CNTNAP4: variants seen among roughly 807,000 people sequenced by gnomAD.
CNTNAP4 encodes the protein contactin associated protein family member 4, also known as contactin-associated protein-like 4.
CNTNAP4 carries 98 observed loss-of-function variants against 148.4 expected under a neutral mutation model. That is an observed-to-expected ratio of 0.66 (90% confidence interval 0.56 to 0.78). The LOEUF is 0.78. CNTNAP4 is among the 30% of genes least tolerant of loss of function. The pLI is 0.00. For missense variants in CNTNAP4, 1,935 were observed against 1,565.6 expected (o/e 1.24, Z -3.98); for synonymous variants, 730 against 565.1 (o/e 1.29, Z -4.14).
rs765615228 is a variant in CNTNAP4, at chr16:76,522,163, G to C, written c.2661G>C (p.Glu887Asp). ...HHVRVERNMK[E>D]ASLQVDQLTP... Reference sequence around the variant, plus strand: ...TGAGGGTTGAAAGGAACATGAAGGAGGCCTCCCTTCAAGTGGATCAGCTGA... The same window carrying C: ...TGAGGGTTGAAAGGAACATGAAGGACGCCTCCCTTCAAGTGGATCAGCTGA... The change falls in exon 17 of 24, where the codon GAG becomes GAC. Residue 887 changes from glutamate to aspartate, a missense_variant. Coordinates refer to ENST00000611870, the MANE Select transcript of CNTNAP4 (RefSeq NM_033401.5). 1 of 1,613,922 alleles carries C rather than the reference G, an allele frequency of 6.2e-7. No homozygotes were observed. The highest frequency in any genetic ancestry group is 8.5e-7 in the Non-Finnish European group (1 of 1,179,882).
At chr16:76,498,495 C>T (rs12932943) in intron 14 of CNTNAP4, 72 bp from the exon 15 acceptor site, 922,669 of 1,353,322 alleles carry the variant, frequency 0.68, 317,067 homozygotes, top group Middle Eastern at 0.78. Context: ...TAGTTCAGAA[C>T]ATCTTGGTTT....
chr16:76,308,279 C>A (rs1960711553), intron 1 of CNTNAP4, among the ~76,000 whole-genome samples: 1 of 152,200 alleles, frequency 6.6e-6, no homozygotes, highest in Non-Finnish European at 1.5e-5. Flanking sequence ...TAGTAGTCTA[C>A]ACTCGTGGCA....
At chr16:76,480,942 C>G (rs375595793) in intron 12 of CNTNAP4, among the ~76,000 whole-genome samples, 1 of 152,128 alleles carries the variant, frequency 6.6e-6, no homozygotes. Context: ...AGAACCAAGT[C>G]AGTGAGTCTT....
chr16:76,366,598 C>T (rs1333558490), intron 3 of CNTNAP4, among the ~76,000 whole-genome samples: 5 of 151,968 alleles, frequency 3.3e-5, no homozygotes, highest in Admixed American at 1.3e-4. Flanking sequence ...TAAACATTTG[C>T]GTGCATGTGT....
At chr16:76,385,769 C>G (rs1359280442) in intron 3 of CNTNAP4, among the ~76,000 whole-genome samples, 1 of 152,124 alleles carries the variant, frequency 6.6e-6, no homozygotes, top group Non-Finnish European at 1.5e-5. Context: ...CTTATATAGT[C>G]TGTAGTGCTG....
At chr16:76,524,203 C>A (rs1021708467) in intron 17 of CNTNAP4, among the ~76,000 whole-genome samples, 1 of 152,056 alleles carries the variant, frequency 6.6e-6, no homozygotes, top group African/African-American at 2.4e-5. Context: ...CTATAATAGA[C>A]AATCTAATCA....
intron 2 of CNTNAP4, among the ~76,000 whole-genome samples, chr16:76,336,526 G>A (rs533371445): frequency 6.6e-6 from 1 of 152,208 alleles, no homozygotes; most frequent in South Asian, 2.1e-4. Context: ...TAATGATGTT[G>A]GATAAAAGAT....
chr16:76,284,670 A>G (rs1393836719), intron 1 of CNTNAP4, among the ~76,000 whole-genome samples: 2 of 152,006 alleles, frequency 1.3e-5, no homozygotes, highest in Non-Finnish European at 2.9e-5. Flanking sequence ...ATTTTTGGGG[A>G]AAATTTTGAT....
In CNTNAP4 at chr16:76,441,811, C is replaced by A. The variant is rs191589262; in HGVS notation, c.539-6201C>A. Among the ~76,000 whole-genome samples, 7 of 152,256 alleles carry A rather than the reference C, an allele frequency of 4.6e-5. No homozygotes were observed. The East Asian group carries it at 1.4e-3, about 29-fold the overall frequency. On this transcript the variant is annotated intron_variant, in intron 4 of 23. Transcript: ENST00000611870. ...AATATTCTAACAATAAATCCTAGTG[C>A]TAGCATTAGTAGTTAATATTCATTT...
intron 4 of CNTNAP4, among the ~76,000 whole-genome samples, chr16:76,440,661 T>C (rs1246296188): frequency 2.6e-5 from 4 of 152,162 alleles, no homozygotes; most frequent in African/African-American, 9.6e-5. Context: ...TAGGGACCTG[T>C]ATTCCTGTTC....
At chr16:76,439,300 A>G (rs1002680569) in intron 4 of CNTNAP4, among the ~76,000 whole-genome samples, 3 of 152,084 alleles carry the variant, frequency 2.0e-5, no homozygotes, top group African/African-American at 7.2e-5. Context: ...TGATCAAAAG[A>G]GAGATAACTT....
chr16:76,336,065 T>C (rs9929036), intron 2 of CNTNAP4, among the ~76,000 whole-genome samples: 2,122 of 152,242 alleles, frequency 0.014, 43 homozygotes, highest in African/African-American at 0.048. Context: ...GCATGTTAAA[T>C]TTGAAGGTGG....
At chr16:76,384,135 C>A (rs1415008580) in intron 3 of CNTNAP4, among the ~76,000 whole-genome samples, 3 of 152,004 alleles carry the variant, frequency 2.0e-5, no homozygotes, top group African/African-American at 7.3e-5. Flanking sequence ...CCTCCGCCTC[C>A]CAGGTTCAAG....
At chr16:76,335,230 A>T (rs1188617624) in intron 2 of CNTNAP4, among the ~76,000 whole-genome samples, 2 of 152,148 alleles carry the variant, frequency 1.3e-5, no homozygotes, top group Non-Finnish European at 2.9e-5. Flanking sequence ...GAAGGATGAG[A>T]TAAAAACACA....
chr16:76,456,001 G>C (rs1007352966), intron 8 of CNTNAP4, among the ~76,000 whole-genome samples: 11 of 152,094 alleles, frequency 7.2e-5, no homozygotes, highest in African/African-American at 2.7e-4. Context: ...ACAGAACAAA[G>C]AGAGCAACAG....
chr16:76,556,698 T>C (rs2085212278), intron 23 of CNTNAP4, among the ~76,000 whole-genome samples: 2 of 152,240 alleles, frequency 1.3e-5, no homozygotes, highest in African/African-American at 4.8e-5. Flanking sequence ...AAGCAAAATA[T>C]GTAACAACAA....
At chr16:76,460,281 G>C (rs944237647) in intron 8 of CNTNAP4, among the ~76,000 whole-genome samples, 2 of 151,146 alleles carry the variant, frequency 1.3e-5, no homozygotes, top group East Asian at 2.0e-4. Context: ...CTAATTTTTT[G>C]TATTTTTGGT....
chr16:76,277,689 C>G lies in CNTNAP4; in HGVS notation c.27C>G (p.Leu9=). 6.2e-7 allele frequency: 1 copy of G among 1,605,922 alleles called. No individual in the cohort carries two copies. Among genetic ancestry groups the G allele is most frequent in the African/African-American group, 1.3e-5 (1 of 74,938 alleles). The change falls in exon 1 of 24, where the codon CTC becomes CTG. Residue 9 remains leucine, a synonymous_variant. Transcript: ENST00000611870. ...TGGGATCTGTCACGGGAGCTGTCCT[C>G]AAGACGCTACTTCTGTTATCTACTC... MGSVTGAV[L]KTLLLLSTQN...
intron 1 of CNTNAP4, among the ~76,000 whole-genome samples, chr16:76,290,992 C>A (rs1959091683): frequency 6.6e-6 from 1 of 152,072 alleles, no homozygotes; most frequent in Non-Finnish European, 1.5e-5. Context: ...TCTGGTGTCT[C>A]TTACTCTTCT....
Sources: gnomAD v4.1 joint callset for allele counts (sites outside exome capture counted in the v4.1 genomes callset) on GRCh38, gnomAD v4.1.1 for gene constraint, MANE v1.5 for transcripts, NCBI Gene and HGNC (gene_info 2026-07-23, HGNC 2026-07-21) for gene names.